The following APOBEC3F variants were observed in gnomAD, a reference collection of about 807,000 sequenced individuals.
The protein encoded by APOBEC3F is apolipoprotein B mRNA editing enzyme catalytic subunit 3F.
A neutral mutation model predicts 45.8 loss-of-function variants in APOBEC3F; 34 were observed. The observed-to-expected ratio is 0.74, with a 90% CI of 0.57 to 0.99. The LOEUF is 0.99. Ranked by LOEUF, APOBEC3F falls within the 50% of genes least tolerant of loss-of-function variation. The pLI is 0.00. For missense variants in APOBEC3F, 459 were observed against 474.1 expected (o/e 0.97, Z 0.30); for synonymous variants, 192 against 174.4 (o/e 1.10, Z -0.80).
Position 39,052,679 on chromosome 22 carries a change from A to G in APOBEC3F, c.1106A>G (p.Gln369Arg), listed in dbSNP as rs1308250194. 1.2e-6 allele frequency: 2 copies of G among 1,613,704 alleles called. No homozygotes were observed. Among genetic ancestry groups the G allele is most frequent in the Non-Finnish European group, 1.7e-6 (2 of 1,179,728 alleles). ...YNFLFLDSKL[Q>R]EILE ...TTTCTATTCCTGGACAGCAAGCTGC[A>G]GGAGATTCTCGAGTGAGGGGTCTCC... Residue 369 changes from glutamine to arginine, a missense_variant, in exon 7 of 7, where the codon CAG becomes CGG. Transcript: ENST00000308521.
chr22:39,055,004 C>T lies in APOBEC3F; in HGVS notation c.*2309C>T, dbSNP rs1927645769. On this transcript the variant is annotated 3_prime_UTR_variant, in exon 7 of 7. Transcript: ENST00000308521. The stretch of plus-strand genomic sequence containing the variant: ...TCCTCCTGGATGGCAGGGATCCCTT[C>T]TGGCTGTGTCCTCTGTGGCCTTTCC... Among the ~76,000 whole-genome samples the T allele has an allele frequency of 6.6e-6, 1 of 151,950 alleles. No individual in the cohort carries two copies. The highest frequency in any genetic ancestry group is 1.5e-5 in the Non-Finnish European group (1 of 68,002).
rs556837667 is a variant in APOBEC3F at position 39,045,049 on chromosome 22, A to G, written c.280A>G (p.Thr94Ala). Residue 94 changes from threonine to alanine, a missense_variant, in exon 3 of 7, where the codon ACC becomes GCC. Coordinates refer to ENST00000308521, the MANE Select transcript of APOBEC3F (RefSeq NM_145298.6). ...CFQITWFVSW[T>A]PCPDCVAKLA... ...CCAGATCACCTGGTTTGTATCCTGG[A>G]CCCCCTGCCCGGACTGTGTGGCGAA... The G allele has an allele frequency of 2.1e-5, 34 of 1,613,252 alleles. 1 individual carries two copies. In the South Asian group the frequency reaches 3.2e-4, roughly 15 times the overall value.
At position 39,052,247 on chromosome 22, in the gene APOBEC3F, C is replaced by A; in HGVS notation, c.897C>A (p.Leu299=). 1 of 1,614,230 alleles carries A rather than the reference C, an allele frequency of 6.2e-7. No homozygotes were observed. The highest frequency in any genetic ancestry group is 8.5e-7 in the Non-Finnish European group (1 of 1,180,038). Residue 299 remains leucine, a synonymous_variant, in exon 6 of 7, where the codon CTC becomes CTA. Coordinates refer to ENST00000308521, the MANE Select transcript of APOBEC3F (RefSeq NM_145298.6). ...EFLARHSNVN[L]TIFTARLYYF... The stretch of plus-strand genomic sequence containing the variant: ...TGGCCAGGCACAGCAACGTGAATCT[C>A]ACCATCTTCACCGCCCGCCTCTACT...
Position 39,044,068 on chromosome 22 carries a change from T to C in APOBEC3F, c.172-873T>C, listed in dbSNP as rs1927071645. On this transcript the variant is annotated intron_variant, in intron 2 of 6. Coordinates refer to ENST00000308521, the MANE Select transcript of APOBEC3F (RefSeq NM_145298.6). Reference sequence around the variant, plus strand: ...CAAAAAAAGATAAATGAGCGGTGTATGGTGTATTTTTCAGGTGCCCAGGTC... The same window carrying C: ...CAAAAAAAGATAAATGAGCGGTGTACGGTGTATTTTTCAGGTGCCCAGGTC... 2.0e-6 allele frequency: 3 copies of C among 1,538,314 alleles called. No individual in the cohort carries two copies. In the Admixed American group the frequency reaches 6.2e-5, roughly 32 times the overall value.
rs1555902859 is a variant in APOBEC3F at position 39,052,988 on chromosome 22, AT to A, written c.*309del. On this transcript the variant is annotated 3_prime_UTR_variant, in exon 7 of 7. Coordinates refer to ENST00000308521, the MANE Select transcript of APOBEC3F (RefSeq NM_145298.6). ...TCCCATCTCCCCAGCATAACCTAAT[AT>A]TTTTTTTTTTTTTTTGAGACGGAAT... The A allele has an allele frequency of 0.026, 5,549 of 215,222 alleles. 37 individuals carry two copies. Among genetic ancestry groups the A allele is most frequent in the African/African-American group, 0.046 (1,805 of 39,002 alleles). 13.3% of individuals were successfully genotyped at this position (215,222 alleles called of 1,614,324 possible).
intron 1 of APOBEC3F, among the ~76,000 whole-genome samples, chr22:39,041,247 T>C (rs1601490492): frequency 6.6e-6 from 1 of 151,358 alleles, no homozygotes; most frequent in Non-Finnish European, 1.5e-5. Context: ...ATGGCAGGGC[T>C]GGTGCTCCCG....
At position 39,052,666 on chromosome 22, in the gene APOBEC3F, G is replaced by A; in HGVS notation, c.1093G>A (p.Asp365Asn). The A allele has an allele frequency of 1.2e-6, 2 of 1,613,938 alleles. No individual in the cohort carries two copies. Among genetic ancestry groups the A allele is most frequent in the Non-Finnish European group, 8.5e-7 (1 of 1,179,874 alleles). Residue 365 changes from aspartate to asparagine, a missense_variant, in exon 7 of 7, where the codon GAC becomes AAC. Transcript: ENST00000308521. The stretch of plus-strand genomic sequence containing the variant: ...ACTAAAATACAACTTTCTATTCCTG[G>A]ACAGCAAGCTGCAGGAGATTCTCGA... ...KGLKYNFLFLDSKLQEILE is the reference protein window; with the variant it reads ...KGLKYNFLFLNSKLQEILE
chr22:39,045,408 T>C lies in APOBEC3F; in HGVS notation c.452-20T>C. The C allele has an allele frequency of 1.1e-5, 18 of 1,614,054 alleles. No individual in the cohort carries two copies. Among genetic ancestry groups the C allele is most frequent in the Non-Finnish European group, 1.5e-5 (18 of 1,179,940 alleles). The stretch of plus-strand genomic sequence containing the variant: ...CAGGGTCAGGGCAGAGCCTGACTGC[T>C]TCCTGCCTCTTCGTCTCAGAATTTG... On this transcript the variant is annotated intron_variant, in intron 3 of 6. Coordinates refer to ENST00000308521, the MANE Select transcript of APOBEC3F (RefSeq NM_145298.6).
intron 4 of APOBEC3F, among the ~76,000 whole-genome samples, chr22:39,046,937 A>G (rs1457755780): frequency 6.6e-6 from 1 of 152,156 alleles, no homozygotes; most frequent in Non-Finnish European, 1.5e-5. Context: ...CAGAGAGGCC[A>G]TAGAAAGGGA....
At chr22:39,041,016 C>A in intron 1 of APOBEC3F, 39 bp downstream of exon 1, 1 of 1,573,344 alleles carries the variant, frequency 6.4e-7, no homozygotes, top group South Asian at 1.2e-5. Context: ...CCCTCTGCTG[C>A]CCCTTCCTGC....
intron 1 of APOBEC3F, among the ~76,000 whole-genome samples, chr22:39,041,460 C>T (rs1026817216): frequency 1.3e-5 from 2 of 152,016 alleles, no homozygotes; most frequent in African/African-American, 4.8e-5. Context: ...CAAGATAAAT[C>T]GTATCTTCCA....
chr22:39,054,072 G>C lies in APOBEC3F; in HGVS notation c.*1377G>C, dbSNP rs552854995. Among the ~76,000 whole-genome samples, 1 of 151,962 alleles carries C rather than the reference G, an allele frequency of 6.6e-6. No homozygotes were observed. The highest frequency in any genetic ancestry group is 1.9e-4 in the East Asian group (1 of 5,176). On this transcript the variant is annotated 3_prime_UTR_variant, in exon 7 of 7. Transcript: ENST00000308521. ...CTGTCACCCAGGCTGGAGTGCAATG[G>C]TGCGGTCTCGGCTCACTGCAACCTC...
At position 39,055,370 on chromosome 22, in the gene APOBEC3F, C is replaced by T. The variant is rs1927657247; in HGVS notation, c.*2675C>T. ...TACAGATATAAGCCACCATACACAACTTTTTTTTTTTTTTGAGATGGAGTT... is the reference window on the plus strand; with the variant it reads ...TACAGATATAAGCCACCATACACAATTTTTTTTTTTTTTTGAGATGGAGTT... On this transcript the variant is annotated 3_prime_UTR_variant, in exon 7 of 7. Coordinates refer to ENST00000308521, the MANE Select transcript of APOBEC3F (RefSeq NM_145298.6). Among the ~76,000 whole-genome samples, 1 of 142,990 alleles carries T rather than the reference C, an allele frequency of 7.0e-6. No homozygotes were observed. Among genetic ancestry groups the T allele is most frequent in the African/African-American group, 2.6e-5 (1 of 38,794 alleles). 93.8% of individuals were successfully genotyped at this position (142,990 alleles called of 152,430 possible). A position where few individuals can be genotyped will look rare whatever the true frequency, so the allele number is the denominator to read the frequency against.
intron 5 of APOBEC3F, among the ~76,000 whole-genome samples, chr22:39,051,309 C>T (rs770200671): frequency 5.9e-5 from 9 of 151,768 alleles, no homozygotes; most frequent in Non-Finnish European, 1.2e-4. Context: ...GAGGCCAAGG[C>T]GGGGGATCAC....
Position 39,045,127 on chromosome 22 carries a change from G to A in APOBEC3F, c.358G>A (p.Ala120Thr), listed in dbSNP as rs376835075. The change falls in exon 3 of 7, where the codon GCC becomes ACC. Residue 120 changes from alanine to threonine, a missense_variant. Ala to Thr is a moderately conservative substitution (Grantham distance 58). Coordinates refer to ENST00000308521, the MANE Select transcript of APOBEC3F (RefSeq NM_145298.6). Reference protein sequence around the residue: ...HPNVTLTISAARLYYYWERDY... With the variant: ...HPNVTLTISATRLYYYWERDY... ...CAATGTCACCCTGACCATCTCCGCC[G>A]CCCGCCTCTACTACTACTGGGAAAG... 5.6e-6 allele frequency: 9 copies of A among 1,613,818 alleles called. No individual in the cohort carries two copies. The highest frequency in any genetic ancestry group is 2.2e-5 in the East Asian group (1 of 44,868).
intron 2 of APOBEC3F, chr22:39,044,175 G>A: frequency 6.2e-7 from 1 of 1,604,802 alleles, no homozygotes; most frequent in Non-Finnish European, 8.5e-7. Context: ...AGGTCCAGTG[G>A]CCTCCCCAGC....
intron 5 of APOBEC3F, among the ~76,000 whole-genome samples, chr22:39,049,874 T>C (rs1393375949): frequency 6.6e-6 from 1 of 151,720 alleles, no homozygotes; most frequent in East Asian, 1.9e-4. Context: ...TAATTTTTAT[T>C]CCATTTTTAG....
chr22:39,054,075 C>T lies in APOBEC3F; in HGVS notation c.*1380C>T, dbSNP rs1053987060. Among the ~76,000 whole-genome samples the T allele has an allele frequency of 6.6e-6, 1 of 151,688 alleles. No individual in the cohort carries two copies. Among genetic ancestry groups the T allele is most frequent in the African/African-American group, 2.4e-5 (1 of 41,228 alleles). On this transcript the variant is annotated 3_prime_UTR_variant, in exon 7 of 7. Coordinates refer to ENST00000308521, the MANE Select transcript of APOBEC3F (RefSeq NM_145298.6). ...TCACCCAGGCTGGAGTGCAATGGTG[C>T]GGTCTCGGCTCACTGCAACCTCTGC...
In APOBEC3F at chr22:39,045,054, C is replaced by T; in HGVS notation, c.285C>T (p.Pro95=). 1 of 1,614,014 alleles carries T rather than the reference C, an allele frequency of 6.2e-7. No individual in the cohort carries two copies. The highest frequency in any genetic ancestry group is 8.5e-7 in the Non-Finnish European group (1 of 1,179,974). Residue 95 remains proline, a synonymous_variant, in exon 3 of 7, where the codon CCC becomes CCT. Coordinates refer to ENST00000308521, the MANE Select transcript of APOBEC3F (RefSeq NM_145298.6). ...TCACCTGGTTTGTATCCTGGACCCCCTGCCCGGACTGTGTGGCGAAGCTGG... is the reference window on the plus strand; with the variant it reads ...TCACCTGGTTTGTATCCTGGACCCCTTGCCCGGACTGTGTGGCGAAGCTGG... ...FQITWFVSWT[P]CPDCVAKLAE...
Sources: gnomAD v4.1 joint callset for allele counts (sites outside exome capture counted in the v4.1 genomes callset) on GRCh38, gnomAD v4.1.1 for gene constraint, MANE v1.5 for transcripts, NCBI Gene and HGNC (gene_info 2026-07-23, HGNC 2026-07-21) for gene names.